Variants in NOTCH2NLA observed in about 807,000 individuals in gnomAD.
The protein encoded by NOTCH2NLA is notch 2 N-terminal like A.
chr1:146,183,563 G>T (rs1553809681), intron 2 of NOTCH2NLA, among the ~76,000 whole-genome samples: 1 of 119,084 alleles, frequency 8.4e-6, no homozygotes, highest in East Asian at 2.3e-4. Context: ...AGCTAAATAG[G>T]CACCGTACTT....
chr1:146,159,423 G>GAAAT, intron 3 of NOTCH2NLA, among the ~76,000 whole-genome samples: 1 of 149,338 alleles, frequency 6.7e-6, no homozygotes, highest in Non-Finnish European at 1.5e-5. Flanking sequence ...AAGAAAGAAA[G>GAAAT]AAAGAAAGAA....
intron 1 of NOTCH2NLA, among the ~76,000 whole-genome samples, chr1:146,223,988 C>T (rs1447444232): frequency 1.4e-5 from 2 of 140,158 alleles, no homozygotes; most frequent in Non-Finnish European, 3.1e-5. Context: ...CAGACCTGGC[C>T]CTCAAGGATC....
chr1:146,180,377 T>C (rs1180573831), intron 2 of NOTCH2NLA, among the ~76,000 whole-genome samples: 1 of 142,326 alleles, frequency 7.0e-6, no homozygotes, highest in Non-Finnish European at 1.6e-5. Flanking sequence ...TTTTCACTTT[T>C]CTTTCATAAA....
chr1:146,187,485 T>G (rs1199409605), intron 2 of NOTCH2NLA, among the ~76,000 whole-genome samples: 1 of 135,970 alleles, frequency 7.4e-6, no homozygotes, highest in East Asian at 2.0e-4. Context: ...AACCAGTGTC[T>G]TCTTATTTAA....
chr1:146,157,475 A>G lies in NOTCH2NLA; in HGVS notation c.299-660T>C, dbSNP rs797030778. Among the ~76,000 whole-genome samples the G allele has an allele frequency of 5.8e-5, 8 of 136,774 alleles. No individual in the cohort carries two copies. The South Asian group carries it at 2.1e-3, about 35-fold the overall frequency. 89.7% of individuals were successfully genotyped at this position (136,774 alleles called of 152,430 possible). A position where few individuals can be genotyped will look rare whatever the true frequency, so the allele number is the denominator to read the frequency against. On this transcript the variant is annotated intron_variant, in intron 3 of 4. Transcript: ENST00000362074. ...CCATTTCAAAAAAAAAAAAAAATCA[A>G]CTTCCCTTCTGTTTTCCTAGTGAAC...
intron 2 of NOTCH2NLA, among the ~76,000 whole-genome samples, chr1:146,172,120 CCA>C (rs1430028477): frequency 7.8e-6 from 1 of 128,886 alleles, no homozygotes; most frequent in African/African-American, 2.9e-5. Context: ...AGCAATTTCC[CCA>C]GTTTTACAAA....
At chr1:146,171,888 T>C (rs1320346344) in intron 2 of NOTCH2NLA, among the ~76,000 whole-genome samples, 1 of 148,302 alleles carries the variant, frequency 6.7e-6, no homozygotes, top group Non-Finnish European at 1.5e-5. Flanking sequence ...TTGTAGCACA[T>C]GTTTTTTGAA....
At position 146,156,924 on chromosome 1, in the gene NOTCH2NLA, CTT is replaced by C. The variant is rs1239472546; in HGVS notation, c.299-111_299-110del. On this transcript the variant is annotated intron_variant, in intron 3 of 4. Transcript: ENST00000362074. ...CTCTTGCGTGGAGAAGACCTCAACTCTTTGCATTTTACAAAAGGCTAAATCAG... is the reference window on the plus strand; with the variant it reads ...CTCTTGCGTGGAGAAGACCTCAACTCTGCATTTTACAAAAGGCTAAATCAG... 2.4e-5 allele frequency: 15 copies of C among 624,632 alleles called. No individual in the cohort carries two copies. In the East Asian group the frequency reaches 2.5e-4, roughly 10 times the overall value. 38.7% of individuals were successfully genotyped at this position (624,632 alleles called of 1,614,324 possible).
chr1:146,187,349 G>A (rs1553810467), intron 2 of NOTCH2NLA, among the ~76,000 whole-genome samples: 2 of 133,154 alleles, frequency 1.5e-5, no homozygotes, highest in Non-Finnish European at 3.5e-5. Flanking sequence ...ACATGTGCAT[G>A]TGTCCTTATA....
At chr1:146,209,560 CACA>C (rs1553815710) in intron 1 of NOTCH2NLA, among the ~76,000 whole-genome samples, 1 of 71,880 alleles carries the variant, frequency 1.4e-5, no homozygotes, top group Non-Finnish European at 3.0e-5. Context: ...TCTAGTCAAA[CACA>C]ACAAGATTTA....
chr1:146,185,886 T>C (rs1273152674), intron 2 of NOTCH2NLA, among the ~76,000 whole-genome samples: 1 of 136,644 alleles, frequency 7.3e-6, no homozygotes, highest in Admixed American at 7.6e-5. Context: ...TTATTTTCTA[T>C]TTTGTGAAAA....
intron 3 of NOTCH2NLA, among the ~76,000 whole-genome samples, chr1:146,161,912 T>C (rs1279403770): frequency 2.1e-5 from 2 of 95,764 alleles, no homozygotes; most frequent in African/African-American, 1.1e-4. Context: ...AACAGCCCAA[T>C]CCAGGCGGGA....
At chr1:146,159,393 G>GAGAAAGAAAGAAAGAAAGAAAGAAAGAA (rs201617510) in intron 3 of NOTCH2NLA, among the ~76,000 whole-genome samples, 1 of 111,038 alleles carries the variant, frequency 9.0e-6, no homozygotes, top group Admixed American at 9.9e-5. Flanking sequence ...GAGAAAGAGA[G>GAGAAAGAAAGAAAGAAAGAAAGAAAGAA]AGAAAGAAAG....
chr1:146,174,641 C>T (rs1553807759), intron 2 of NOTCH2NLA, among the ~76,000 whole-genome samples: 1 of 143,222 alleles, frequency 7.0e-6, no homozygotes, highest in African/African-American at 2.4e-5. Flanking sequence ...CTCCTCTTTA[C>T]TCCCTCTGGG....
At chr1:146,187,525 G>A (rs1333546958) in intron 2 of NOTCH2NLA, among the ~76,000 whole-genome samples, 1 of 135,506 alleles carries the variant, frequency 7.4e-6, no homozygotes, top group Admixed American at 7.7e-5. Flanking sequence ...TGTGCATGAC[G>A]GTATCTACTT....
At chr1:146,176,852 AC>A (rs1234262753) in intron 2 of NOTCH2NLA, among the ~76,000 whole-genome samples, 1 of 88,018 alleles carries the variant, frequency 1.1e-5, no homozygotes, top group African/African-American at 3.9e-5. Context: ...CTGTCAACAG[AC>A]TAAAATTATT....
At chr1:146,154,012 CACA>C (rs1661020069), downstream of NOTCH2NLA, 8 of 53,704 alleles carry the variant, frequency 1.5e-4, no homozygotes, top group East Asian at 4.3e-3. Flanking sequence ...GCCATACACA[CACA>C]CACACACACA....
At chr1:146,228,328 G>C (rs1183874834) in intron 1 of NOTCH2NLA, 1 of 978,184 alleles carries the variant, frequency 1.0e-6, no homozygotes, top group Non-Finnish European at 1.2e-6. Flanking sequence ...GCCCGCCGTC[G>C]GCTCTCGCTC....
chr1:146,228,909 G>T (rs782157151), exon 1 of NOTCH2NLA: 1 of 1,468,938 alleles, frequency 6.8e-7, no homozygotes, highest in Non-Finnish European at 8.9e-7. Flanking sequence ...AGGCCCTGGC[G>T]CTACGCTCCG....
Sources: allele counts gnomAD v4.1 joint callset (sites outside exome capture counted in the v4.1 genomes callset), GRCh38; gene constraint gnomAD v4.1.1; transcripts MANE v1.5; gene names NCBI Gene and HGNC (gene_info 2026-07-23, HGNC 2026-07-21).